PRRG4: variants seen among roughly 807,000 people sequenced by gnomAD.
The protein encoded by PRRG4 is proline rich and Gla domain 4.
In PRRG4, 12 loss-of-function variants were observed where a neutral mutation model predicts 20.0. The ratio of observed to expected loss-of-function variants is 0.60; its 90% CI spans 0.38 to 0.97. PRRG4 has a LOEUF of 0.97. Ranked by LOEUF, PRRG4 falls within the 50% of genes least tolerant of loss-of-function variation. The pLI is 0.00. For missense variants in PRRG4, 199 were observed against 265.1 expected (o/e 0.75, Z 1.73); for synonymous variants, 94 against 96.4 (o/e 0.98, Z 0.15).
At chr11:32,831,895 C>A (rs181671715) in intron 2 of PRRG4, among the ~76,000 whole-genome samples, 165 of 152,158 alleles carry the variant, frequency 1.1e-3, no homozygotes, top group African/African-American at 3.8e-3. Context: ...GTGGCACGTG[C>A]CTATAATCCC....
intron 5 of PRRG4, among the ~76,000 whole-genome samples, chr11:32,852,939 A>ATTTTTTTT (rs34615143): frequency 8.6e-3 from 843 of 98,476 alleles, no homozygotes; most frequent in Non-Finnish European, 9.3e-3. Context: ...TGCCCGGCTA[A>ATTTTTTTT]TTTTTTTTTT....
intron 5 of PRRG4, among the ~76,000 whole-genome samples, chr11:32,841,786 GACA>G (rs922902470): frequency 3.3e-5 from 5 of 151,942 alleles, no homozygotes; most frequent in Non-Finnish European, 7.4e-5. Flanking sequence ...CTCCAGCCTG[GACA>G]ACAACAACAA....
intron 4 of PRRG4, 110 bp from the exon 5 acceptor site, chr11:32,839,997 C>T: frequency 1.5e-6 from 1 of 682,414 alleles, no homozygotes; most frequent in South Asian, 3.5e-5. Context: ...AAGTCAACAT[C>T]AATGATTAGA....
At chr11:32,845,419 A>G (rs1339151622) in intron 5 of PRRG4, among the ~76,000 whole-genome samples, 1 of 152,076 alleles carries the variant, frequency 6.6e-6, no homozygotes, top group Non-Finnish European at 1.5e-5. Context: ...AAGTCAGGAG[A>G]TCGAGACCAT....
At chr11:32,844,206 C>T (rs1851105646) in intron 5 of PRRG4, among the ~76,000 whole-genome samples, 1 of 152,120 alleles carries the variant, frequency 6.6e-6, no homozygotes, top group Non-Finnish European at 1.5e-5. Flanking sequence ...GGAAATGTTA[C>T]TTAAACTTAT....
chr11:32,834,274 A>G (rs1366847647), intron 2 of PRRG4, among the ~76,000 whole-genome samples: 2 of 152,138 alleles, frequency 1.3e-5, no homozygotes, highest in Non-Finnish European at 2.9e-5. Flanking sequence ...CAGCAAGGAG[A>G]CCCATGGAAG....
rs532883924 is a variant in PRRG4 at position 32,856,141 on chromosome 11, A to G, written c.*2614A>G. On this transcript the variant is annotated 3_prime_UTR_variant, in exon 6 of 6. Transcript: ENST00000257836. ...AAATATTTATGATGAATAGAATTAT[A>G]AGATATGTATGTATCTTGCACTGAA... is the stretch of plus-strand genomic sequence containing the variant. The G allele has an allele frequency of 2.0e-5, 3 of 152,340 alleles. No individual in the cohort carries two copies. Among genetic ancestry groups the G allele is most frequent in the African/African-American group, 7.2e-5 (3 of 41,572 alleles). 9.4% of individuals were successfully genotyped at this position (152,340 alleles called of 1,614,324 possible). A position where few individuals can be genotyped will look rare whatever the true frequency, so the allele number is the denominator to read the frequency against.
intron 2 of PRRG4, 103 bp from the exon 3 acceptor site, chr11:32,836,555 A>C: frequency 1.7e-6 from 1 of 571,888 alleles, no homozygotes; most frequent in Non-Finnish European, 2.8e-6. Context: ...GTTTGGTATA[A>C]TTTAGCCACA....
chr11:32,839,686 TA>T (rs1417406731), intron 4 of PRRG4, among the ~76,000 whole-genome samples: 44 of 145,238 alleles, frequency 3.0e-4, no homozygotes, highest in Non-Finnish European at 4.2e-4. Flanking sequence ...TATTAAAATA[TA>T]AGTATTATAT....
At chr11:32,848,471 A>G (rs1851150394) in intron 5 of PRRG4, among the ~76,000 whole-genome samples, 1 of 152,144 alleles carries the variant, frequency 6.6e-6, no homozygotes, top group African/African-American at 2.4e-5. Context: ...AGGGTTATGG[A>G]AATAGATAAT....
Position 32,854,618 on chromosome 11 carries a change from T to C in PRRG4, c.*1091T>C, listed in dbSNP as rs1300277607. 6.6e-6 allele frequency: 1 copy of C among 151,802 alleles called. No individual in the cohort carries two copies. The highest frequency in any genetic ancestry group is 2.4e-5 in the African/African-American group (1 of 41,340). 9.4% of individuals were successfully genotyped at this position (151,802 alleles called of 1,614,324 possible). The stretch of plus-strand genomic sequence containing the variant: ...ATATTGGACCTACTCTTTCTTAGGA[T>C]TTTTTTGGCGGGGGGTTAGAAATAC... On this transcript the variant is annotated 3_prime_UTR_variant, in exon 6 of 6. Transcript: ENST00000257836.
In PRRG4 at chr11:32,830,082, G is replaced by T. The variant is rs1334641940; in HGVS notation, c.-114G>T. On this transcript the variant is annotated 5_prime_UTR_variant, in exon 1 of 6. Transcript: ENST00000257836. The stretch of plus-strand genomic sequence containing the variant: ...CCCGGAGCGTCGCCGAGGTTTGAGG[G>T]CGCCGGAGACCGAGGGCCTGGCGGC... The T allele has an allele frequency of 3.0e-6, 3 of 989,662 alleles. No individual in the cohort carries two copies. Among genetic ancestry groups the T allele is most frequent in the Non-Finnish European group, 2.4e-6 (2 of 833,140 alleles). The allele number at this position is 989,662 out of a possible 1,614,324, so 61.3% of individuals were successfully genotyped here.
intron 5 of PRRG4, among the ~76,000 whole-genome samples, chr11:32,843,623 T>C (rs921895062): frequency 2.6e-5 from 4 of 152,092 alleles, no homozygotes; most frequent in East Asian, 1.9e-4. Context: ...TTTTAAAAAA[T>C]AGTAAAATAT....
At position 32,846,983 on chromosome 11, in the gene PRRG4, C is replaced by T. The variant is rs570603520; in HGVS notation, c.450-6313C>T. On this transcript the variant is annotated intron_variant, in intron 5 of 5. Transcript: ENST00000257836. ...ACTGCACTCCAGCCTGGCAACAGAA[C>T]GAGACTCTGTCTCAAAAAAAAAAAT... is the stretch of plus-strand genomic sequence containing the variant. Among the ~76,000 whole-genome samples, 19 of 143,050 alleles carry T rather than the reference C, an allele frequency of 1.3e-4. No homozygotes were observed. The East Asian group carries it at 3.4e-3, about 25-fold the overall frequency. 93.8% of individuals were successfully genotyped at this position (143,050 alleles called of 152,430 possible).
At chr11:32,851,071 C>T (rs969219573) in intron 5 of PRRG4, among the ~76,000 whole-genome samples, 4 of 151,304 alleles carry the variant, frequency 2.6e-5, no homozygotes, top group East Asian at 3.9e-4. Context: ...GAAATTCAGT[C>T]GCAAAAATAA....
intron 1 of PRRG4, 21 bp from the exon 2 acceptor site, chr11:32,830,486 TA>T (rs773247584): frequency 1.7e-5 from 24 of 1,433,078 alleles, no homozygotes; most frequent in Admixed American, 1.0e-4. Context: ...TTTTTTTTAA[TA>T]TTTTTTTTTG....
chr11:32,852,816 G>A (rs1463221315), intron 5 of PRRG4, among the ~76,000 whole-genome samples: 4 of 146,234 alleles, frequency 2.7e-5, no homozygotes, highest in Admixed American at 2.1e-4. Context: ...TCTGTCCCCC[G>A]AGGCTGGGGT....
intron 5 of PRRG4, among the ~76,000 whole-genome samples, chr11:32,845,039 A>C (rs1463015479): frequency 6.6e-6 from 1 of 152,156 alleles, no homozygotes. Context: ...TAGATCTACA[A>C]AAATTTTATT....
intron 5 of PRRG4, among the ~76,000 whole-genome samples, chr11:32,852,307 C>T (rs572093280): frequency 2.6e-5 from 4 of 152,178 alleles, no homozygotes; most frequent in East Asian, 1.9e-4. Context: ...AGAGAAGGCA[C>T]GGGACTTAGA....
Sources: gnomAD v4.1 joint callset for allele counts (sites outside exome capture counted in the v4.1 genomes callset) on GRCh38, gnomAD v4.1.1 for gene constraint, MANE v1.5 for transcripts, NCBI Gene and HGNC (gene_info 2026-07-23, HGNC 2026-07-21) for gene names.